The following FABP5 variants were observed in gnomAD, a reference collection of about 807,000 sequenced individuals.
FABP5 encodes fatty acid binding protein 5.
Under a neutral mutation model 16.9 loss-of-function variants are expected in FABP5, and 7 were observed. That is an observed-to-expected ratio of 0.41 (90% CI 0.24 to 0.78). The LOEUF is 0.78. FABP5 is among the 30% of genes least tolerant of loss of function. FABP5 has a pLI of 0.30. For missense variants in FABP5, 119 were observed against 159.5 expected, an observed-to-expected ratio of 0.75 and a Z score of 1.37; for synonymous variants, 37 against 52.8, an observed-to-expected ratio of 0.70 and a Z score of 1.30.
At chr8:81,283,834 T>C in intron 2 of FABP5, 39 bp from the exon 3 acceptor site, 1 of 1,524,308 alleles carries the variant, frequency 6.6e-7, no homozygotes, top group Non-Finnish European at 9.0e-7. Context: ...ACTCTTGTAA[T>C]GTACTTGGAA....
chr8:81,283,683 A>C, intron 2 of FABP5, 145 bp downstream of exon 2: 1 of 1,059,350 alleles, frequency 9.4e-7, no homozygotes, highest in South Asian at 1.7e-5. Context: ...TATCAACTTC[A>C]TCATAGAATT....
At chr8:81,284,080 A>G (rs1807875699) in intron 3 of FABP5, 106 bp downstream of exon 3, 1 of 843,356 alleles carries the variant, frequency 1.2e-6, no homozygotes, top group Non-Finnish European at 1.8e-6. Flanking sequence ...TGGAAGAAAA[A>G]AAAGCAAAAT....
chr8:81,283,676 C>A, intron 2 of FABP5, 138 bp downstream of exon 2: 1 of 1,070,400 alleles, frequency 9.3e-7, no homozygotes, highest in Non-Finnish European at 1.3e-6. Context: ...GCAAAAGTAT[C>A]AACTTCATCA....
chr8:81,283,237 A>G (rs1028338064), intron 1 of FABP5, 129 bp from the exon 2 acceptor site: 24 of 779,150 alleles, frequency 3.1e-5, no homozygotes, highest in Non-Finnish European at 4.9e-5. Flanking sequence ...ATATATGTTT[A>G]CAATAGTTAT....
intron 1 of FABP5, 127 bp downstream of exon 1, chr8:81,280,801 T>A: frequency 1.2e-6 from 1 of 825,422 alleles, no homozygotes; most frequent in South Asian, 1.7e-5. Flanking sequence ...TCCCCTCCCA[T>A]CTTCCCCACC....
rs987032466 is a variant in FABP5 at position 81,283,881 on chromosome 8, C to T, written c.261C>T (p.Cys87=). The T allele has an allele frequency of 4.3e-6, 7 of 1,611,182 alleles. No individual in the cohort carries two copies. The African/African-American group carries it at 8.0e-5, about 18-fold the overall frequency. ...TADGRKTQTV[C]NFTDGALVQH... ...TTACTTTGTTTTTGCAGACTGTCTG[C>T]AACTTTACAGATGGTGCATTGGTTC... The change falls in exon 3 of 4, where the codon TGC becomes TGT. Residue 87 remains cysteine, a synonymous_variant. Coordinates refer to ENST00000297258, the MANE Select transcript of FABP5 (RefSeq NM_001444.3).
intron 1 of FABP5, 152 bp from the exon 2 acceptor site, chr8:81,283,214 C>G (rs1038205438): frequency 1.6e-6 from 1 of 630,088 alleles, no homozygotes; most frequent in Non-Finnish European, 2.7e-6. Flanking sequence ...AAAGTGCTGG[C>G]TCATACCGTG....
chr8:81,284,075 G>GA (rs548473088), intron 3 of FABP5, 101 bp downstream of exon 3: 67 of 871,562 alleles, frequency 7.7e-5, no homozygotes, highest in African/African-American at 3.9e-4. Context: ...CAGTTTGGAA[G>GA]AAAAAAAAGC....
At chr8:81,282,669 A>G (rs1221438477) in intron 1 of FABP5, among the ~76,000 whole-genome samples, 1 of 152,194 alleles carries the variant, frequency 6.6e-6, no homozygotes, top group East Asian at 1.9e-4. Context: ...CTATTGATTT[A>G]TATACCTATG....
intron 3 of FABP5, 118 bp from the exon 4 acceptor site, chr8:81,284,396 C>T: frequency 1.5e-6 from 1 of 659,966 alleles, no homozygotes; most frequent in East Asian, 2.7e-5. Context: ...AAGAAATTTT[C>T]TCCATCTATG....
rs770651593 is a variant in FABP5 at position 81,283,873 on chromosome 8, ACTGT to A, written c.257_260del (p.Val86AlafsTer21). On this transcript the variant is annotated frameshift_variant and splice_region_variant, in exon 3 of 4. Coordinates refer to ENST00000297258, the MANE Select transcript of FABP5 (RefSeq NM_001444.3). LOFTEE classifies it high-confidence loss of function. The stretch of plus-strand genomic sequence containing the variant: ...TAAAACGTTTACTTTGTTTTTGCAG[ACTGT>A]CTGCAACTTTACAGATGGTGCATTG... The A allele has an allele frequency of 1.3e-5, 21 of 1,609,932 alleles. No individual in the cohort carries two copies. The highest frequency in any genetic ancestry group is 3.3e-5 in the Admixed American group (2 of 59,922).
At chr8:81,283,649 T>A (rs1807869095) in intron 2 of FABP5, 111 bp downstream of exon 2, 1 of 1,255,166 alleles carries the variant, frequency 8.0e-7, no homozygotes, top group African/African-American at 1.5e-5. Flanking sequence ...TTTTATGAAT[T>A]GAATTTTGTC....
In FABP5 at chr8:81,283,416, A is replaced by G. The variant is rs145774881; in HGVS notation, c.130A>G (p.Ile44Val). Reference protein sequence around the residue: ...KMGAMAKPDCIITCDGKNLTI... With the variant: ...KMGAMAKPDCVITCDGKNLTI... ...GGGCGCAATGGCCAAGCCAGATTGT[A>G]TCATCACTTGTGATGGTAAAAACCT... is the stretch of plus-strand genomic sequence containing the variant. Residue 44 changes from isoleucine to valine, a missense_variant, in exon 2 of 4, where the codon ATC (isoleucine) becomes GTC (valine). Ile to Val is a conservative substitution (Grantham distance 29, BLOSUM62 3). Coordinates refer to ENST00000297258, the MANE Select transcript of FABP5 (RefSeq NM_001444.3). 78 of 1,611,370 alleles carry G rather than the reference A, an allele frequency of 4.8e-5. No homozygotes were observed. Among genetic ancestry groups the G allele is most frequent in the African/African-American group, 9.3e-5 (7 of 74,914 alleles).
In FABP5 at chr8:81,283,473, A is replaced by G. The variant is rs778495368; in HGVS notation, c.187A>G (p.Thr63Ala). 5 of 1,612,976 alleles carry G rather than the reference A, an allele frequency of 3.1e-6. No individual in the cohort carries two copies. The African/African-American group carries it at 4.0e-5, about 13-fold the overall frequency. ...TIKTESTLKT[T>A]QFSCTLGEKF... is the part of the protein sequence containing the mutation. Reference sequence around the variant, plus strand: ...AAAAACTGAGAGCACTTTGAAAACAACACAGTTTTCTTGTACCCTGGGAGA... The same window carrying G: ...AAAAACTGAGAGCACTTTGAAAACAGCACAGTTTTCTTGTACCCTGGGAGA... The change falls in exon 2 of 4, where the codon ACA (threonine) becomes GCA (alanine). Residue 63 changes from threonine to alanine, a missense_variant. Coordinates refer to ENST00000297258, the MANE Select transcript of FABP5 (RefSeq NM_001444.3).
intron 3 of FABP5, 93 bp downstream of exon 3, chr8:81,284,067 G>C (rs938985339): frequency 1.0e-6 from 1 of 975,468 alleles, no homozygotes; most frequent in African/African-American, 1.6e-5. Flanking sequence ...ACAGAACTCA[G>C]TTTGGAAGAA....
chr8:81,281,237 C>T lies in FABP5; in HGVS notation c.79+563C>T. 2.9e-6 allele frequency: 2 copies of T among 698,362 alleles called. No homozygotes were observed. Among genetic ancestry groups the T allele is most frequent in the South Asian group, 6.3e-5 (1 of 15,782 alleles). The allele number at this position is 698,362 out of a possible 1,614,324, so 43.3% of individuals were successfully genotyped here. ...GACGCGGTGCTGGCGCGCAGTTTCC[C>T]GCAGAAATCCTGTGGAGGGGTCTGA... On this transcript the variant is annotated intron_variant, in intron 1 of 3. Transcript: ENST00000297258. This position sits in a 1 kb window ranked among gnomAD's most constrained non-coding sequence, Gnocchi z 4.5.
rs779611485 is a variant in FABP5 at position 81,283,944 on chromosome 8, A to G, written c.324A>G (p.Thr108=). 5.0e-6 allele frequency: 8 copies of G among 1,610,960 alleles called. No individual in the cohort carries two copies. In the African/African-American group the frequency reaches 5.3e-5, roughly 11 times the overall value. Residue 108 remains threonine (T), a synonymous_variant, in exon 3 of 4, where the codon ACA becomes ACG. Coordinates refer to ENST00000297258, the MANE Select transcript of FABP5 (RefSeq NM_001444.3). The part of the protein sequence containing the change: ...QEWDGKESTI[T]RKLKDGKLVV... The stretch of plus-strand genomic sequence containing the variant: ...GGGATGGGAAGGAAAGCACAATAAC[A>G]AGAAAATTGAAAGATGGGAAATTAG...
rs1366185101 is a variant in FABP5 at position 81,281,217 on chromosome 8, G to A, written c.79+543G>A. On this transcript the variant is annotated intron_variant, in intron 1 of 3. Transcript: ENST00000297258. The surrounding 1 kb of genome is among the most constrained non-coding windows in gnomAD (Gnocchi z 4.5). ...CCCTCCGTTTTCTTCATGGGGACGC[G>A]GTGCTGGCGCGCAGTTTCCCGCAGA... 2.1e-6 allele frequency: 1 copy of A among 476,276 alleles called. No homozygotes were observed. The highest frequency in any genetic ancestry group is 2.7e-6 in the Non-Finnish European group (1 of 364,086). The allele number at this position is 476,276 out of a possible 1,614,324, so 29.5% of individuals were successfully genotyped here. A position where few individuals can be genotyped will look rare whatever the true frequency, so the allele number is the denominator to read the frequency against.
chr8:81,283,369 T>A lies in FABP5; in HGVS notation c.83T>A (p.Val28Glu), dbSNP rs1217122507. ...AACATGACTTAACATTCTACAGGAG[T>A]GGGAATAGCTTTGCGAAAAATGGGC... Reference protein sequence around the residue: ...GFDEYMKELGVGIALRKMGAM... With the variant: ...GFDEYMKELGEGIALRKMGAM... The change falls in exon 2 of 4, where the codon GTG (valine) becomes GAG (glutamate). Residue 28 changes from valine (V) to glutamate (E), a missense_variant. Val to Glu is a moderately radical substitution (Grantham distance 121). Coordinates refer to ENST00000297258, the MANE Select transcript of FABP5 (RefSeq NM_001444.3). 1 of 1,586,994 alleles carries A rather than the reference T, an allele frequency of 6.3e-7. No individual in the cohort carries two copies. Among genetic ancestry groups the A allele is most frequent in the African/African-American group, 1.4e-5 (1 of 73,556 alleles).
Sources: gnomAD v4.1 joint callset for allele counts (sites outside exome capture counted in the v4.1 genomes callset) on GRCh38, gnomAD v4.1.1 for gene constraint, Gnocchi (gnomAD v3.1) non-coding constraint, MANE v1.5 for transcripts, NCBI Gene and HGNC (gene_info 2026-07-23, HGNC 2026-07-21) for gene names.